The following PHF3 variants were observed in gnomAD, a reference collection of about 807,000 sequenced individuals.
The protein encoded by PHF3 is PHD finger protein 3.
In PHF3, 41 loss-of-function variants were observed where a neutral mutation model predicts 178.4. That is an observed-to-expected ratio of 0.23 (90% confidence interval 0.18 to 0.30). PHF3 has a LOEUF of 0.30. Ranked by LOEUF, PHF3 falls within the 10% of genes least tolerant of loss-of-function variation. PHF3 has a pLI of 1.00. For missense variants in PHF3, 2,346 were observed against 2,398.1 expected (o/e 0.98, Z 0.45); for synonymous variants, 842 against 800.5 (o/e 1.05, Z -0.88).
rs374984460 is a variant in PHF3 at position 63,713,000 on chromosome 6, C to T, written c.5412C>T (p.Asn1804=). The T allele has an allele frequency of 2.5e-5, 41 of 1,613,920 alleles. No individual in the cohort carries two copies. The African/African-American group carries it at 4.9e-4, about 19-fold the overall frequency. ...CACCCATGAGGCCACAGCAGCCCAA[C>T]CTTCAGCATCTCAAGTCTAGCCCAC... The part of the protein sequence containing the change: ...NFSPMRPQQP[N]LQHLKSSPPG... Residue 1804 remains asparagine, a synonymous_variant, in exon 16 of 16, where the codon AAC becomes AAT. Coordinates refer to ENST00000262043, the MANE Select transcript of PHF3 (RefSeq NM_001370348.2).
intron 2 of PHF3, among the ~76,000 whole-genome samples, chr6:63,670,279 CTTTTTTGA>C (rs1244511120): frequency 6.6e-6 from 1 of 151,582 alleles, no homozygotes; most frequent in African/African-American, 2.4e-5. Context: ...TGTTTTTTTG[CTTTTTTGA>C]GATGGAGTCT....
intron 2 of PHF3, among the ~76,000 whole-genome samples, chr6:63,663,652 GT>G (rs1331595724): frequency 3.9e-5 from 6 of 152,028 alleles, no homozygotes; most frequent in Non-Finnish European, 8.8e-5. Flanking sequence ...TTTGGCCTTG[GT>G]TTTAGTTAGG....
At position 63,677,466 on chromosome 6, in the gene PHF3, G is replaced by A. The variant is rs995891815; in HGVS notation, c.245-2534G>A. Among the ~76,000 whole-genome samples, 9 of 152,304 alleles carry A rather than the reference G, an allele frequency of 5.9e-5. No individual in the cohort carries two copies. In the East Asian group the frequency reaches 1.7e-3, roughly 29 times the overall value. On this transcript the variant is annotated intron_variant, in intron 2 of 15. Transcript: ENST00000262043. The stretch of plus-strand genomic sequence containing the variant: ...CAGAAAGTGGAGAGGAATCAGCTGT[G>A]TCAGATGCTGCTAGGAAATGGAATA...
At chr6:63,646,882 T>C in intron 2 of PHF3, 87 bp downstream of exon 2, 18 of 1,030,548 alleles carry the variant, frequency 1.7e-5, no homozygotes, top group Non-Finnish European at 2.3e-5. Context: ...TTTTCTTTTT[T>C]TCTTTTTTTT....
chr6:63,698,007 G>A (rs984413481), intron 6 of PHF3, among the ~76,000 whole-genome samples: 2 of 152,198 alleles, frequency 1.3e-5, no homozygotes, highest in East Asian at 3.9e-4. Flanking sequence ...AGCTCTAAAA[G>A]CCATTGTCTA....
At chr6:63,690,494 T>G (rs1347784182) in intron 4 of PHF3, among the ~76,000 whole-genome samples, 8 of 152,140 alleles carry the variant, frequency 5.3e-5, no homozygotes, top group African/African-American at 1.4e-4. Flanking sequence ...GTTTTTACAG[T>G]TTTAACATTA....
At chr6:63,702,910 C>A (rs1767535496) in intron 10 of PHF3, among the ~76,000 whole-genome samples, 1 of 152,082 alleles carries the variant, frequency 6.6e-6, no homozygotes. Flanking sequence ...TAGAGTCTTG[C>A]TTTGTTGCCC....
chr6:63,647,164 A>G (rs1266926059), intron 2 of PHF3, among the ~76,000 whole-genome samples: 1 of 152,028 alleles, frequency 6.6e-6, no homozygotes. Flanking sequence ...CGGCAAATTG[A>G]GACATGTGGT....
chr6:63,676,433 T>C (rs66520187), intron 2 of PHF3, among the ~76,000 whole-genome samples: 11,898 of 152,186 alleles, frequency 0.078, 536 homozygotes, highest in East Asian at 0.16. Flanking sequence ...TTAGGGAAGG[T>C]TTCTCTGAGA....
intron 2 of PHF3, among the ~76,000 whole-genome samples, chr6:63,665,878 C>G (rs1221722990): frequency 6.6e-6 from 1 of 152,110 alleles, no homozygotes; most frequent in East Asian, 1.9e-4. Flanking sequence ...TGTAACAATG[C>G]AAAGTGCTGA....
In PHF3 at chr6:63,725,789, AATG is replaced by A. The variant is rs1279828644; in HGVS notation, c.*12085_*12087del. ...TGATCATTAGAGCACCATTTTTGCT[AATG>A]ATGTGAAATTTAGCAAATGTAATTA... On this transcript the variant is annotated 3_prime_UTR_variant, in exon 16 of 16. Coordinates refer to ENST00000262043, the MANE Select transcript of PHF3 (RefSeq NM_001370348.2). Among the ~76,000 whole-genome samples the A allele has an allele frequency of 6.6e-6, 1 of 152,134 alleles. No homozygotes were observed. The highest frequency in any genetic ancestry group is 1.5e-5 in the Non-Finnish European group (1 of 67,976).
intron 4 of PHF3, among the ~76,000 whole-genome samples, chr6:63,691,379 T>TA (rs1766991951): frequency 6.6e-6 from 1 of 152,176 alleles, no homozygotes; most frequent in Admixed American, 6.5e-5. Flanking sequence ...ACCAAGATCT[T>TA]ACCACCCTTC....
chr6:63,655,825 C>T (rs1037008999), intron 2 of PHF3, among the ~76,000 whole-genome samples: 1 of 151,490 alleles, frequency 6.6e-6, no homozygotes, highest in African/African-American at 2.4e-5. Flanking sequence ...TTTTTTGTTG[C>T]AGTGTTGGGG....
chr6:63,697,350 T>A (rs1178893570), intron 6 of PHF3, among the ~76,000 whole-genome samples: 1 of 152,050 alleles, frequency 6.6e-6, no homozygotes, highest in Non-Finnish European at 1.5e-5. Context: ...AAGGAGGTAT[T>A]GTTGGTTTGA....
At chr6:63,691,660 T>A (rs1158050937) in intron 4 of PHF3, 77 bp from the exon 5 acceptor site, 1 of 1,260,742 alleles carries the variant, frequency 7.9e-7, no homozygotes, top group Non-Finnish European at 1.1e-6. Flanking sequence ...TATTGAAAAT[T>A]TAATTTAGCC....
rs1231844101 is a variant in PHF3, at chr6:63,712,223, A to G, written c.4635A>G (p.Val1545=). 3 of 1,613,974 alleles carry G rather than the reference A, an allele frequency of 1.9e-6. No individual in the cohort carries two copies. Among genetic ancestry groups the G allele is most frequent in the East Asian group, 2.2e-5 (1 of 44,890 alleles). Residue 1545 remains valine (V), a synonymous_variant, in exon 16 of 16, where the codon GTA becomes GTG. Coordinates refer to ENST00000262043, the MANE Select transcript of PHF3 (RefSeq NM_001370348.2). ...DKSAEIETSV[V]GSSSISAGSL... is the part of the protein sequence containing the mutation. The stretch of plus-strand genomic sequence containing the variant: ...CAGCAGAAATAGAAACATCAGTAGT[A>G]GGGTCCTCTTCCATTTCTGCAGGGT...
intron 2 of PHF3, among the ~76,000 whole-genome samples, chr6:63,654,102 T>G (rs949184475): frequency 6.6e-6 from 1 of 152,198 alleles, no homozygotes; most frequent in Non-Finnish European, 1.5e-5. Context: ...TGTTTTTGTC[T>G]GGTTTTGGTA....
In PHF3 at chr6:63,715,608, T is replaced by C. The variant is rs1176674404; in HGVS notation, c.*1900T>C. 1.3e-5 allele frequency: 2 copies of C among 152,168 alleles called. No homozygotes were observed. The highest frequency in any genetic ancestry group is 4.8e-5 in the African/African-American group (2 of 41,452). 9.4% of individuals were successfully genotyped at this position (152,168 alleles called of 1,614,324 possible). ...TCACCTCTTCGCTAATAGTTTTTTCTACATATCTAAAATTCTTTAATCAGT... is the reference window on the plus strand; with the variant it reads ...TCACCTCTTCGCTAATAGTTTTTTCCACATATCTAAAATTCTTTAATCAGT... On this transcript the variant is annotated 3_prime_UTR_variant, in exon 16 of 16. Transcript: ENST00000262043.
Position 63,724,962 on chromosome 6 carries a change from C to G in PHF3, c.*11254C>G, listed in dbSNP as rs552332537. ...CTTAGAGAAGGTACAAAGTACAGGACTGTCAGCTGCATTTTCTGCAACCTT... is the reference window on the plus strand; with the variant it reads ...CTTAGAGAAGGTACAAAGTACAGGAGTGTCAGCTGCATTTTCTGCAACCTT... On this transcript the variant is annotated 3_prime_UTR_variant, in exon 16 of 16. Transcript: ENST00000262043. Among the ~76,000 whole-genome samples, 155 of 152,196 alleles carry G rather than the reference C, an allele frequency of 1.0e-3. 1 individual carries two copies. Among genetic ancestry groups the G allele is most frequent in the African/African-American group, 3.4e-3 (141 of 41,548 alleles).
Sources: gnomAD v4.1 joint callset for allele counts (sites outside exome capture counted in the v4.1 genomes callset) on GRCh38, gnomAD v4.1.1 for gene constraint, MANE v1.5 for transcripts, NCBI Gene and HGNC (gene_info 2026-07-23, HGNC 2026-07-21) for gene names.